PBX1: variants seen among roughly 807,000 people sequenced by gnomAD.
PBX1 encodes the protein pre-B-cell leukemia transcription factor 1.
A neutral mutation model predicts 53.4 loss-of-function variants in PBX1; 6 were observed. The ratio of observed to expected loss-of-function variants is 0.11; its 90% CI spans 0.06 to 0.22. The LOEUF (loss-of-function observed/expected upper bound fraction) is 0.22. Ranked by LOEUF, PBX1 falls within the 10% of genes least tolerant of loss-of-function variation. PBX1 has a pLI of 1.00. For synonymous variants in PBX1, 204 were observed against 212.3 expected (o/e 0.96, Z 0.34); for missense variants, 251 against 551.4 (o/e 0.46, Z 5.46).
chr1:164,655,409 G>A (rs1222621533), intron 2 of PBX1, among the ~76,000 whole-genome samples: 2 of 152,068 alleles, frequency 1.3e-5, no homozygotes, highest in Admixed American at 1.3e-4. Flanking sequence ...CACTGTGCCC[G>A]GCCTCTGAAG....
chr1:164,846,193 GAAGACT>G (rs1344307361), intron 8 of PBX1, among the ~76,000 whole-genome samples: 1 of 152,100 alleles, frequency 6.6e-6, no homozygotes, highest in Non-Finnish European at 1.5e-5. Context: ...TTTCAAAAAA[GAAGACT>G]AAGGTCAAAT....
At chr1:164,861,829 C>T (rs1047812302) in intron 2 of PBX1, among the ~76,000 whole-genome samples, 2 of 152,166 alleles carry the variant, frequency 1.3e-5, no homozygotes, top group Non-Finnish European at 2.9e-5. Context: ...ACAGCTCATG[C>T]AAAGGCCCTG....
intron 2 of PBX1, among the ~76,000 whole-genome samples, chr1:164,722,909 T>C (rs1664487994): frequency 6.6e-6 from 1 of 152,184 alleles, no homozygotes; most frequent in Non-Finnish European, 1.5e-5. Context: ...CATGTATGAT[T>C]TTTTAGTACT....
In PBX1 at chr1:164,846,901, T is replaced by A; in HGVS notation, c.*225T>A. ...TTTCTGGGTAGAAGCCACCCTTCCC[T>A]GCCTCCAGCTGTCAGCCTGGTTTTC... On this transcript the variant is annotated 3_prime_UTR_variant, in exon 9 of 9. Transcript: ENST00000420696. 7.3e-7 allele frequency: 1 copy of A among 1,375,336 alleles called. No homozygotes were observed. Among genetic ancestry groups the A allele is most frequent in the Non-Finnish European group, 9.4e-7 (1 of 1,063,284 alleles). 85.2% of individuals were successfully genotyped at this position (1,375,336 alleles called of 1,614,324 possible). A position where few individuals can be genotyped will look rare whatever the true frequency, so the allele number is the denominator to read the frequency against.
At chr1:164,822,330 A>G (rs1236952450) in intron 8 of PBX1, among the ~76,000 whole-genome samples, 1 of 152,112 alleles carries the variant, frequency 6.6e-6, no homozygotes, top group East Asian at 1.9e-4. Flanking sequence ...GGCAGCCTGG[A>G]AAAGGAGGCT....
chr1:164,706,182 A>G (rs1663418371), intron 2 of PBX1, among the ~76,000 whole-genome samples: 1 of 152,098 alleles, frequency 6.6e-6, no homozygotes, highest in Middle Eastern at 3.2e-3. Flanking sequence ...TGTTAGCCAT[A>G]TACTGTGTGT....
At chr1:164,579,314 CAT>C (rs138062993) in intron 2 of PBX1, among the ~76,000 whole-genome samples, 8,154 of 152,114 alleles carry the variant, frequency 0.054, 313 homozygotes, top group Middle Eastern at 0.085. Context: ...ATTAAATTTT[CAT>C]GCTTAGCGTC....
At chr1:164,866,963 CTCTT>C (rs1346785606) in intron 2 of PBX1, among the ~76,000 whole-genome samples, 1 of 152,152 alleles carries the variant, frequency 6.6e-6, no homozygotes, top group Non-Finnish European at 1.5e-5. Flanking sequence ...GCAAGAGAAA[CTCTT>C]TCATTGAAAA....
At position 164,849,266 on chromosome 1, in the gene PBX1, G is replaced by A. The variant is rs190159894; in HGVS notation, c.*2590G>A. 39 of 1,529,526 alleles carry A rather than the reference G, an allele frequency of 2.5e-5. No individual in the cohort carries two copies. The East Asian group carries it at 4.2e-4, about 16-fold the overall frequency. The allele number at this position is 1,529,526 out of a possible 1,614,324, so 94.7% of individuals were successfully genotyped here. ...TGCACAGGCAGTTTCTCTCCGGGCC[G>A]TAGTTTTCACTGATGATCACCTTTC... On this transcript the variant is annotated 3_prime_UTR_variant, in exon 9 of 9. Coordinates refer to ENST00000420696, the MANE Select transcript of PBX1 (RefSeq NM_002585.4).
At chr1:164,688,495 C>T (rs1662258702) in intron 2 of PBX1, among the ~76,000 whole-genome samples, 1 of 152,116 alleles carries the variant, frequency 6.6e-6, no homozygotes, top group Non-Finnish European at 1.5e-5. Context: ...CGCATTTGCT[C>T]ATGTGATATA....
In PBX1 at chr1:164,692,064, C is replaced by T. The variant is rs543988186; in HGVS notation, c.266-100430C>T. ...ATGCAAAAATTCCAAAATCTGAAGACAGTAATCCCAAATTCGAAACACTTC... is the reference window on the plus strand; with the variant it reads ...ATGCAAAAATTCCAAAATCTGAAGATAGTAATCCCAAATTCGAAACACTTC... On this transcript the variant is annotated intron_variant, in intron 2 of 8. Transcript: ENST00000420696. 3.0e-3 allele frequency among the ~76,000 whole-genome samples: 454 copies of T among 152,286 alleles called. 5 individuals are homozygous for T. Among genetic ancestry groups the T allele is most frequent in the South Asian group, 0.021 (99 of 4,824 alleles).
intron 2 of PBX1, among the ~76,000 whole-genome samples, chr1:164,697,146 G>T (rs539515738): frequency 2.0e-5 from 3 of 152,114 alleles, no homozygotes; most frequent in African/African-American, 7.2e-5. Context: ...TCATTATCTC[G>T]TTTAATCCTC....
chr1:164,811,046 A>C (rs979607326), intron 5 of PBX1, among the ~76,000 whole-genome samples: 14 of 152,320 alleles, frequency 9.2e-5, no homozygotes, highest in Admixed American at 2.0e-4. Flanking sequence ...GCTGTGGTAC[A>C]TGTGGGATCA....
intron 2 of PBX1, among the ~76,000 whole-genome samples, chr1:164,860,562 C>G (rs1672073129): frequency 6.6e-6 from 1 of 152,116 alleles, no homozygotes; most frequent in South Asian, 2.1e-4. Context: ...TGATGTCAGC[C>G]ACCTAGAATG....
chr1:164,652,731 T>C (rs780747317), intron 2 of PBX1, among the ~76,000 whole-genome samples: 1 of 152,144 alleles, frequency 6.6e-6, no homozygotes, highest in Admixed American at 6.5e-5. Flanking sequence ...AGACCTAAAA[T>C]ATACAGTTTG....
intron 2 of PBX1, among the ~76,000 whole-genome samples, chr1:164,583,933 A>T (rs376441169): frequency 1.3e-5 from 2 of 152,044 alleles, no homozygotes; most frequent in East Asian, 1.9e-4. Context: ...ATAGCACTTA[A>T]CCCACAATAT....
intron 2 of PBX1, among the ~76,000 whole-genome samples, chr1:164,721,326 G>A (rs1334402854): frequency 6.6e-6 from 1 of 151,904 alleles, no homozygotes; most frequent in African/African-American, 2.4e-5. Context: ...GAGCCATGGG[G>A]TCTTAAGGCT....
chr1:164,581,389 G>A (rs1431270407), intron 2 of PBX1, among the ~76,000 whole-genome samples: 2 of 151,900 alleles, frequency 1.3e-5, no homozygotes, highest in African/African-American at 4.8e-5. Flanking sequence ...CACCGCGCCT[G>A]GCTAATTTTT....
chr1:164,783,913 A>G (rs1231718347), intron 2 of PBX1, among the ~76,000 whole-genome samples: 1 of 152,208 alleles, frequency 6.6e-6, no homozygotes, highest in Non-Finnish European at 1.5e-5. Flanking sequence ...CCTCAAGGCT[A>G]AAGAGTATTG....
Sources: allele counts gnomAD v4.1 joint callset (sites outside exome capture counted in the v4.1 genomes callset), GRCh38; gene constraint gnomAD v4.1.1; transcripts MANE v1.5; gene names NCBI Gene and HGNC (gene_info 2026-07-23, HGNC 2026-07-21).